Variants in GALNT18 observed in about 807,000 individuals in gnomAD.
The protein encoded by GALNT18 is polypeptide N-acetylgalactosaminyltransferase 18.
GALNT18 carries 44 observed loss-of-function variants against 69.5 expected under a neutral mutation model. That is an observed-to-expected ratio of 0.63 (90% CI 0.50 to 0.81). The LOEUF is 0.81. Ranked by LOEUF, GALNT18 falls within the 40% of genes least tolerant of loss-of-function variation. GALNT18 has a pLI of 0.00. For synonymous variants in GALNT18, 364 were observed against 318.2 expected, an observed-to-expected ratio of 1.14 and a Z score of -1.53; for missense variants, 715 against 810.0, an observed-to-expected ratio of 0.88 and a Z score of 1.42.
rs563072865 is a variant in GALNT18, at chr11:11,418,581, T to G, written c.595+14040A>C. Among the ~76,000 whole-genome samples the G allele has an allele frequency of 4.7e-4, 71 of 152,332 alleles. 1 individual carries two copies. The South Asian group carries it at 0.014, about 31-fold the overall frequency. On this transcript the variant is annotated intron_variant, in intron 3 of 10. Transcript: ENST00000227756. ...CTGGGCTTCTCCAGCACAGTTTCCC[T>G]TCACCTGTGGCTCATGGCACTCAGC...
At chr11:11,503,450 C>A (rs977182870) in intron 1 of GALNT18, among the ~76,000 whole-genome samples, 6 of 152,198 alleles carry the variant, frequency 3.9e-5, no homozygotes, top group Non-Finnish European at 7.3e-5. Flanking sequence ...ACCTCCACTG[C>A]AATTTCCAGT....
intron 10 of GALNT18, among the ~76,000 whole-genome samples, chr11:11,279,468 C>G (rs1414708454): frequency 6.6e-6 from 1 of 152,166 alleles, no homozygotes; most frequent in Non-Finnish European, 1.5e-5. Context: ...CGCATGAATG[C>G]TTTCTAGAAC....
In GALNT18 at chr11:11,590,822, G is replaced by A. The variant is rs1466308493; in HGVS notation, c.235+30537C>T. Among the ~76,000 whole-genome samples, 1 of 152,070 alleles carries A rather than the reference G, an allele frequency of 6.6e-6. No individual in the cohort carries two copies. Among genetic ancestry groups the A allele is most frequent in the African/African-American group, 2.4e-5 (1 of 41,392 alleles). ...CTCAGGTGTTTGTGGTGATGCTTAT[G>A]TAAACAAACCTACCGCACTACCGGT... On this transcript the variant is annotated intron_variant, in intron 1 of 10. Coordinates refer to ENST00000227756, the MANE Select transcript of GALNT18 (RefSeq NM_198516.3). The surrounding 1 kb of genome is among the most constrained non-coding windows in gnomAD (Gnocchi z 4.4).
At chr11:11,544,515 G>A (rs1162205679) in intron 1 of GALNT18, among the ~76,000 whole-genome samples, 4 of 152,190 alleles carry the variant, frequency 2.6e-5, no homozygotes, top group African/African-American at 9.7e-5. Flanking sequence ...ACACAGACAT[G>A]ACTCCTGCTC....
At chr11:11,273,332 G>C (rs1206945842) in intron 10 of GALNT18, among the ~76,000 whole-genome samples, 1 of 151,568 alleles carries the variant, frequency 6.6e-6, no homozygotes, top group Admixed American at 6.6e-5. Context: ...AGATACATAA[G>C]AAGTTCAAAT....
At chr11:11,512,824 G>A (rs1273426902) in intron 1 of GALNT18, among the ~76,000 whole-genome samples, 2 of 152,168 alleles carry the variant, frequency 1.3e-5, no homozygotes, top group African/African-American at 2.4e-5. Context: ...AGGACACACG[G>A]GTGCTGCCTA....
In GALNT18 at chr11:11,541,705, G is replaced by A. The variant is rs777309115; in HGVS notation, c.235+79654C>T. 2.0e-5 allele frequency among the ~76,000 whole-genome samples: 3 copies of A among 152,000 alleles called. No individual in the cohort carries two copies. The highest frequency in any genetic ancestry group is 3.9e-4 in the East Asian group (2 of 5,152). On this transcript the variant is annotated intron_variant, in intron 1 of 10. Coordinates refer to ENST00000227756, the MANE Select transcript of GALNT18 (RefSeq NM_198516.3). This position sits in a 1 kb window ranked among gnomAD's most constrained non-coding sequence, Gnocchi z 4.8. ...CCTTCCCAGCCCCCACACCTCTATT[G>A]CCCCAAAGCGTCGCTAGTAGCCTTG...
In GALNT18 at chr11:11,337,961, A is replaced by AT. The variant is rs11351706; in HGVS notation, c.1278+2857dup. Among the ~76,000 whole-genome samples, 9,659 of 118,764 alleles carry AT rather than the reference A, an allele frequency of 0.081. 566 individuals carry two copies. Among genetic ancestry groups the AT allele is most frequent in the African/African-American group, 0.14 (4,379 of 30,490 alleles). 77.9% of individuals were successfully genotyped at this position (118,764 alleles called of 152,430 possible). Reference sequence around the variant, plus strand: ...TGTACATAGCAGGAGTCATTTAAAGATTTTTTTTTTTTTTTTTTTTTTGAG... The same window carrying AT: ...TGTACATAGCAGGAGTCATTTAAAGATTTTTTTTTTTTTTTTTTTTTTTGAG... On this transcript the variant is annotated intron_variant, in intron 7 of 10. Coordinates refer to ENST00000227756, the MANE Select transcript of GALNT18 (RefSeq NM_198516.3). This position sits in a 1 kb window ranked among gnomAD's most constrained non-coding sequence, Gnocchi z 4.9.
In GALNT18 at chr11:11,511,660, T is replaced by G. The variant is rs1857168502; in HGVS notation, c.236-62724A>C. ...ACCTAATCCCCAGTGTGATGATGTTTGAAGGTAGGGCCTTTGGGAGGTGAT... is the reference window on the plus strand; with the variant it reads ...ACCTAATCCCCAGTGTGATGATGTTGGAAGGTAGGGCCTTTGGGAGGTGAT... On this transcript the variant is annotated intron_variant, in intron 1 of 10. Transcript: ENST00000227756. The surrounding 1 kb of genome is among the most constrained non-coding windows in gnomAD (Gnocchi z 4.9). Among the ~76,000 whole-genome samples the G allele has an allele frequency of 1.3e-5, 2 of 152,214 alleles. No homozygotes were observed. Among genetic ancestry groups the G allele is most frequent in the Non-Finnish European group, 2.9e-5 (2 of 68,040 alleles).
intron 9 of GALNT18, among the ~76,000 whole-genome samples, chr11:11,317,651 A>C (rs750785514): frequency 2.6e-5 from 4 of 152,160 alleles, no homozygotes; most frequent in Admixed American, 6.5e-5. Flanking sequence ...TATCAGATGC[A>C]TAGTTTGTGA....
chr11:11,304,096 A>G (rs1849539187), intron 9 of GALNT18, among the ~76,000 whole-genome samples: 1 of 152,180 alleles, frequency 6.6e-6, no homozygotes, highest in African/African-American at 2.4e-5. Flanking sequence ...AAACCTGAAA[A>G]GGAAAAGACA....
At chr11:11,453,769 G>A (rs896499494) in intron 1 of GALNT18, among the ~76,000 whole-genome samples, 4 of 152,182 alleles carry the variant, frequency 2.6e-5, no homozygotes, top group African/African-American at 7.2e-5. Flanking sequence ...GTGTGCTTTT[G>A]CTCCTCTTTC....
rs531795177 is a variant in GALNT18, at chr11:11,424,221, CG to C, written c.595+8399del. On this transcript the variant is annotated intron_variant, in intron 3 of 10. Transcript: ENST00000227756. ...GGACCTGCCATTTTAGTGCATGTGG[CG>C]GCTGTCCTGGCTCTGGTCTGCCCTC... 1.3e-4 allele frequency among the ~76,000 whole-genome samples: 20 copies of C among 152,318 alleles called. No homozygotes were observed. In the East Asian group the frequency reaches 3.7e-3, roughly 28 times the overall value.
chr11:11,611,226 A>T (rs2133963149), intron 1 of GALNT18, among the ~76,000 whole-genome samples: 1 of 152,346 alleles, frequency 6.6e-6, no homozygotes, highest in Middle Eastern at 3.4e-3. Context: ...GGGCAAATAA[A>T]CAGCTGCTGA....
At chr11:11,294,012 G>A (rs560683710) in intron 9 of GALNT18, among the ~76,000 whole-genome samples, 2 of 152,320 alleles carry the variant, frequency 1.3e-5, no homozygotes. Flanking sequence ...TTGGTTTTCT[G>A]GGTGTGCTGG....
chr11:11,424,917 A>T (rs7927545), intron 3 of GALNT18, among the ~76,000 whole-genome samples: 28,860 of 151,992 alleles, frequency 0.19, 3,625 homozygotes, highest in East Asian at 0.53. Context: ...GCCCACAGAT[A>T]GTGCAGACAA....
At chr11:11,527,575 G>A (rs1857549745) in intron 1 of GALNT18, among the ~76,000 whole-genome samples, 1 of 151,962 alleles carries the variant, frequency 6.6e-6, no homozygotes, top group Non-Finnish European at 1.5e-5. Context: ...CAAGCCATGA[G>A]CAATGGCCCA....
intron 1 of GALNT18, among the ~76,000 whole-genome samples, chr11:11,525,692 T>G (rs1207868102): frequency 7.0e-6 from 1 of 142,064 alleles, no homozygotes; most frequent in African/African-American, 2.6e-5. Flanking sequence ...TGAAGTTCAA[T>G]GACACTATCT....
At chr11:11,279,354 A>AT (rs1178971766) in intron 10 of GALNT18, among the ~76,000 whole-genome samples, 4 of 152,214 alleles carry the variant, frequency 2.6e-5, no homozygotes, top group Non-Finnish European at 5.9e-5. Flanking sequence ...CTAAAAAAAA[A>AT]CTTCAGTTCT....
Sources: gnomAD v4.1 joint callset for allele counts (sites outside exome capture counted in the v4.1 genomes callset) on GRCh38, gnomAD v4.1.1 for gene constraint, Gnocchi (gnomAD v3.1) non-coding constraint, MANE v1.5 for transcripts, NCBI Gene and HGNC (gene_info 2026-07-23, HGNC 2026-07-21) for gene names.